The following TRMT44 variants were observed in gnomAD, a reference collection of about 807,000 sequenced individuals.
The protein encoded by TRMT44 is probable tRNA (uracil-O(2)-)-methyltransferase.
In TRMT44, 78 loss-of-function variants were observed where a neutral mutation model predicts 77.3. That is an observed-to-expected ratio of 1.01 (90% CI 0.84 to 1.22). TRMT44 has a LOEUF of 1.22. TRMT44 is among the 50% of genes most tolerant of loss of function. The probability of loss-of-function intolerance (pLI) is 0.00; values close to 1 mark genes in which losing one functional copy is unlikely to be tolerated. For missense variants in TRMT44, 1,090 were observed against 964.4 expected (o/e 1.13, Z -1.73); for synonymous variants, 391 against 383.3 (o/e 1.02, Z -0.23).
chr4:8,504,297 T>C, the TRMT44 span, among the ~76,000 whole-genome samples: 5 of 152,080 alleles, frequency 3.3e-5, no homozygotes, highest in Non-Finnish European at 7.4e-5. The surrounding 1 kb of genome is among the most constrained non-coding windows in gnomAD (Gnocchi z 5.3). Context: ...ATGGCCCCCA[T>C]TCACTAAGGC....
chr4:8,466,975 C>T (rs749357280), intron 8 of TRMT44, among the ~76,000 whole-genome samples: 32 of 152,320 alleles, frequency 2.1e-4, no homozygotes, highest in East Asian at 3.9e-4. Context: ...CCTTATCACC[C>T]GCGCCTGGCC....
At position 8,445,272 on chromosome 4, in the gene TRMT44, A is replaced by G. The variant is rs527638364; in HGVS notation, c.620-1204A>G. ...CTTCCAAAGTGCTGGGACAACAGGC[A>G]TGGGCCATCACGCCTGGTCCTGTTG... On this transcript the variant is annotated intron_variant, in intron 1 of 10. Transcript: ENST00000389737. Among the ~76,000 whole-genome samples the G allele has an allele frequency of 8.7e-4, 132 of 152,380 alleles. 1 individual carries two copies. The highest frequency in any genetic ancestry group is 3.1e-3 in the African/African-American group (130 of 41,586).
At chr4:8,498,694 G>A in the TRMT44 span, among the ~76,000 whole-genome samples, 29 of 152,178 alleles carry the variant, frequency 1.9e-4, no homozygotes, top group Non-Finnish European at 3.7e-4. The surrounding 1 kb of genome is among the most constrained non-coding windows in gnomAD (Gnocchi z 4.3). Context: ...CAATATCCAC[G>A]CCTCCCCTCA....
At chr4:8,495,990 G>C (rs1434641134), downstream of TRMT44, among the ~76,000 whole-genome samples, 2 of 152,190 alleles carry the variant, frequency 1.3e-5, no homozygotes, top group Non-Finnish European at 2.9e-5. Context: ...TGGGCCACAG[G>C]CCGCTACTTC....
chr4:8,457,810 G>A (rs975488533), intron 6 of TRMT44, among the ~76,000 whole-genome samples: 3 of 152,160 alleles, frequency 2.0e-5, no homozygotes, highest in East Asian at 1.9e-4. Flanking sequence ...AAAGGTGGGC[G>A]ATGAAGGGTG....
chr4:8,495,425 A>C (rs1257127108), downstream of TRMT44, among the ~76,000 whole-genome samples: 1 of 152,118 alleles, frequency 6.6e-6, no homozygotes, highest in Non-Finnish European at 1.5e-5. Context: ...CTCGGGTTTT[A>C]GTCTGGGGGG....
At chr4:8,454,642 T>A (rs958908496) in intron 5 of TRMT44, 100 bp from the exon 6 acceptor site, 17 of 1,133,132 alleles carry the variant, frequency 1.5e-5, no homozygotes, top group Non-Finnish European at 2.2e-5. Flanking sequence ...TCTCTTGCCC[T>A]TCGTCCTGCT....
chr4:8,498,358 A>C (rs1728210233), downstream of TRMT44, among the ~76,000 whole-genome samples: 1 of 152,198 alleles, frequency 6.6e-6, no homozygotes, highest in Non-Finnish European at 1.5e-5. The surrounding 1 kb of genome is among the most constrained non-coding windows in gnomAD (Gnocchi z 4.3). Context: ...CACTATAAAG[A>C]AATACCCAAG....
At chr4:8,473,184 C>A (rs2109188572) in intron 10 of TRMT44, 1 of 152,392 alleles carries the variant, frequency 6.6e-6, no homozygotes, top group East Asian at 1.9e-4. Context: ...GGAAATGTTT[C>A]CAGATGGCTT....
chr4:8,465,084 G>A (rs1360431600), intron 7 of TRMT44, among the ~76,000 whole-genome samples: 2 of 152,012 alleles, frequency 1.3e-5, no homozygotes, highest in African/African-American at 2.4e-5. Context: ...TGAGGGAGAG[G>A]GCAGAGTTTG....
At chr4:8,472,007 G>A (rs925516251) in intron 10 of TRMT44, among the ~76,000 whole-genome samples, 1 of 104,342 alleles carries the variant, frequency 9.6e-6, no homozygotes, top group Admixed American at 1.1e-4. Context: ...TTGCTTTGTG[G>A]CGCTTTTTTT....
At position 8,444,945 on chromosome 4, in the gene TRMT44, G is replaced by A. The variant is rs1276193670; in HGVS notation, c.620-1531G>A. On this transcript the variant is annotated intron_variant, in intron 1 of 10. Coordinates refer to ENST00000389737, the MANE Select transcript of TRMT44 (RefSeq NM_152544.3). The surrounding 1 kb of genome is among the most constrained non-coding windows in gnomAD (Gnocchi z 4.0). Reference sequence around the variant, plus strand: ...TAGCGACAACAGTGACAGCAGATTTGGGGTTGCCACACTGGGCAGGGAGGG... The same window carrying A: ...TAGCGACAACAGTGACAGCAGATTTAGGGTTGCCACACTGGGCAGGGAGGG... Among the ~76,000 whole-genome samples the A allele has an allele frequency of 1.3e-5, 2 of 152,150 alleles. No homozygotes were observed. The highest frequency in any genetic ancestry group is 4.8e-5 in the African/African-American group (2 of 41,436).
At chr4:8,449,949 C>CTTTTTTTTT (rs745915221) in intron 3 of TRMT44, 61 bp downstream of exon 3, 282 of 238,886 alleles carry the variant, frequency 1.2e-3, no homozygotes, top group South Asian at 3.1e-3. Context: ...CTTTTCTTTT[C>CTTTTTTTTT]TTTTTTTTTT....
chr4:8,510,293 G>C, the TRMT44 span: 1 of 152,696 alleles, frequency 6.5e-6, no homozygotes, highest in South Asian at 2.1e-4. Flanking sequence ...CCTGGGCTAG[G>C]GAACCTTCCT....
chr4:8,449,953 T>TC (rs1553855274), intron 3 of TRMT44, 65 bp downstream of exon 3: 6,199 of 540,728 alleles, frequency 0.011, 165 homozygotes, highest in Admixed American at 0.028. Context: ...TCTTTTCTTT[T>TC]TTTTTTTTTT....
intron 3 of TRMT44, 57 bp downstream of exon 3, chr4:8,449,945 T>A (rs978012053): frequency 2.9e-4 from 176 of 604,394 alleles, no homozygotes; most frequent in Non-Finnish European, 3.8e-4. Context: ...TTTTCTTTTC[T>A]TTTCTTTTTT....
chr4:8,469,711 A>G (rs1726852368), intron 9 of TRMT44, among the ~76,000 whole-genome samples: 1 of 152,176 alleles, frequency 6.6e-6, no homozygotes, highest in African/African-American at 2.4e-5. Context: ...TCCCCTCCAG[A>G]TGGGTGTCCG....
chr4:8,509,886 C>G, the TRMT44 span: 3 of 152,262 alleles, frequency 2.0e-5, no homozygotes, highest in African/African-American at 7.2e-5. Context: ...TTCTGCCGCA[C>G]ACGGGACTCT....
At position 8,484,594 on chromosome 4, in the gene TRMT44, A is replaced by G. The variant is rs552882534; in HGVS notation, n.3891+5061A>G. ...GTCCTTGTGTAAGAATTCCTACTGC[A>G]CAGCCCTGCACTTCAGCTGTGTGTA... On this transcript the variant is annotated intron_variant and non_coding_transcript_variant, in intron 2 of 2. Transcript: ENST00000511366. 1.8e-4 allele frequency among the ~76,000 whole-genome samples: 28 copies of G among 152,336 alleles called. 1 individual carries two copies. In the South Asian group the frequency reaches 3.9e-3, roughly 21 times the overall value.
Sources: gnomAD v4.1 joint callset for allele counts (sites outside exome capture counted in the v4.1 genomes callset) on GRCh38, gnomAD v4.1.1 for gene constraint, Gnocchi (gnomAD v3.1) non-coding constraint, MANE v1.5 for transcripts, NCBI Gene and HGNC (gene_info 2026-07-23, HGNC 2026-07-21) for gene names.